CPLANE1: variants seen among roughly 807,000 people sequenced by gnomAD.
The protein encoded by CPLANE1 is ciliogenesis and planar polarity effector complex subunit 1, also known as ciliogenesis and planar polarity effector 1.
A neutral mutation model predicts 362.5 loss-of-function variants in CPLANE1; 263 were observed. That is an observed-to-expected ratio of 0.73 (90% CI 0.66 to 0.80). CPLANE1 has a LOEUF of 0.80. CPLANE1 is among the 30% of genes least tolerant of loss of function. The pLI, the probability that CPLANE1 is intolerant of heterozygous loss-of-function variation, is 0.00. For synonymous variants in CPLANE1, 1,212 were observed against 1,302.6 expected, an observed-to-expected ratio of 0.93 and a Z score of 1.50; for missense variants, 3,461 against 3,793.4, an observed-to-expected ratio of 0.91 and a Z score of 2.30.
rs1787281815 is a variant in CPLANE1 at position 37,195,918 on chromosome 5, A to T, written c.3751T>A (p.Phe1251Ile). ...TCTCCAGCTGCTCCAGGTCTAAAAAATGCGATACCTCCTTTACAGTAATTA... is the reference window on the plus strand; with the variant it reads ...TCTCCAGCTGCTCCAGGTCTAAAAATTGCGATACCTCCTTTACAGTAATTA... ...LLNYCKGGIA[F>I]FRPGAAGDHK... The change falls in exon 21 of 53, where the codon TTT (phenylalanine) becomes ATT (isoleucine). Residue 1251 changes from phenylalanine to isoleucine, a missense_variant. Phe to Ile is a conservative substitution (Grantham distance 21). Coordinates refer to ENST00000651892, the MANE Select transcript of CPLANE1 (RefSeq NM_001384732.1). 8 of 1,613,630 alleles carry T rather than the reference A, an allele frequency of 5.0e-6. No homozygotes were observed. The highest frequency in any genetic ancestry group is 5.9e-6 in the Non-Finnish European group (7 of 1,179,826).
the CPLANE1 span, among the ~76,000 whole-genome samples, chr5:37,090,252 T>C: frequency 1.3e-5 from 2 of 152,204 alleles, no homozygotes; most frequent in Non-Finnish European, 2.9e-5. Flanking sequence ...TTGTTTTATC[T>C]TTCTCACCAA....
In CPLANE1 at chr5:37,247,800, T is replaced by C. The variant is rs1028114650; in HGVS notation, c.-47-55A>G. 5.2e-4 allele frequency: 325 copies of C among 627,464 alleles called. No individual in the cohort carries two copies. The African/African-American group carries it at 9.0e-3, about 17-fold the overall frequency. The allele number at this position is 627,464 out of a possible 1,614,324, so 38.9% of individuals were successfully genotyped here. On this transcript the variant is annotated intron_variant, in intron 1 of 52. Coordinates refer to ENST00000651892, the MANE Select transcript of CPLANE1 (RefSeq NM_001384732.1). ...ATGATGCATAATATTCACTGGGCAT[T>C]TTTTTTTTTTTTTTGAGACAAGAGT...
At chr5:37,185,749 A>G (rs1351758861) in intron 24 of CPLANE1, among the ~76,000 whole-genome samples, 1 of 152,172 alleles carries the variant, frequency 6.6e-6, no homozygotes, top group Admixed American at 6.5e-5. Flanking sequence ...AACATTGTAA[A>G]TGTACTTAAT....
In CPLANE1 at chr5:37,170,113, C is replaced by T; in HGVS notation, c.6390G>A (p.Glu2130=). The part of the protein sequence containing the change: ...KPQSMGENAR[E]PRKNSPHCHE... The stretch of plus-strand genomic sequence containing the variant: ...GGCAGTGTGGGCTGTTCTTGCGAGG[C>T]TCTCTGGCGTTCTCTCCCATTGACT... The change falls in exon 33 of 53, where the codon GAG becomes GAA. Residue 2130 remains glutamate (E), a synonymous_variant. Coordinates refer to ENST00000651892, the MANE Select transcript of CPLANE1 (RefSeq NM_001384732.1). 1.2e-6 allele frequency: 2 copies of T among 1,614,150 alleles called. No individual in the cohort carries two copies. The highest frequency in any genetic ancestry group is 1.6e-4 in the Middle Eastern group (1 of 6,062).
rs1484482731 is a variant in CPLANE1, at chr5:37,243,137, A to C, written c.571-18T>G. 7 of 1,342,392 alleles carry C rather than the reference A, an allele frequency of 5.2e-6. No individual in the cohort carries two copies. The highest frequency in any genetic ancestry group is 7.2e-6 in the Non-Finnish European group (7 of 979,012). 83.2% of individuals were successfully genotyped at this position (1,342,392 alleles called of 1,614,324 possible). A position where few individuals can be genotyped will look rare whatever the true frequency, so the allele number is the denominator to read the frequency against. On this transcript the variant is annotated intron_variant, in intron 5 of 52. Coordinates refer to ENST00000651892, the MANE Select transcript of CPLANE1 (RefSeq NM_001384732.1). Reference sequence around the variant, plus strand: ...CCAAATAACTGTAGATAAATTTAATATACTTTAGTATAAAATTAATCTGAA... The same window carrying C: ...CCAAATAACTGTAGATAAATTTAATCTACTTTAGTATAAAATTAATCTGAA...
intron 26 of CPLANE1, 61 bp downstream of exon 26, chr5:37,182,699 C>T (rs1211151914): frequency 6.0e-6 from 6 of 996,974 alleles, no homozygotes; most frequent in Non-Finnish European, 8.8e-6. Context: ...GAAATGTAAA[C>T]ATAGTTTTAA....
chr5:37,169,179 G>A lies in CPLANE1; in HGVS notation c.6845C>T (p.Ser2282Phe), dbSNP rs778561588. ...GTTATACTGGCTTACATTCAAATGGGATGCTGGAGTAGTTTGTGCTGCTCT... is the reference window on the plus strand; with the variant it reads ...GTTATACTGGCTTACATTCAAATGGAATGCTGGAGTAGTTTGTGCTGCTCT... Reference protein sequence around the residue: ...PQRAAQTTPASHLNVSQYNTE... With the variant: ...PQRAAQTTPAFHLNVSQYNTE... The change falls in exon 34 of 53, where the codon TCC (serine) becomes TTC (phenylalanine). Residue 2282 changes from serine (S) to phenylalanine (F), a missense_variant. Physicochemically the swap from Ser to Phe is radical, Grantham distance 155 (BLOSUM62 -2). Coordinates refer to ENST00000651892, the MANE Select transcript of CPLANE1 (RefSeq NM_001384732.1). 1.9e-6 allele frequency: 3 copies of A among 1,614,134 alleles called. No homozygotes were observed. Among genetic ancestry groups the A allele is most frequent in the South Asian group, 1.1e-5 (1 of 91,072 alleles).
intron 37 of CPLANE1, 78 bp downstream of exon 37, chr5:37,164,195 T>C (rs2150840956): frequency 8.8e-7 from 1 of 1,138,198 alleles, no homozygotes; most frequent in Non-Finnish European, 1.3e-6. Flanking sequence ...GGTAGCCTCA[T>C]TTTCATATTG....
chr5:37,147,365 A>G (rs966545925), intron 43 of CPLANE1, among the ~76,000 whole-genome samples: 2 of 152,220 alleles, frequency 1.3e-5, no homozygotes, highest in African/African-American at 4.8e-5. Flanking sequence ...CCAATATTAG[A>G]ATGCTTAATA....
chr5:37,198,359 GA>G (rs1788166944), intron 20 of CPLANE1, among the ~76,000 whole-genome samples: 1 of 152,026 alleles, frequency 6.6e-6, no homozygotes, highest in Non-Finnish European at 1.5e-5. Context: ...AGGCCCCACA[GA>G]ACACAGACAA....
chr5:37,235,548 G>A (rs1798770829), intron 8 of CPLANE1, among the ~76,000 whole-genome samples: 1 of 148,288 alleles, frequency 6.7e-6, no homozygotes. Context: ...AAAGCTGGAG[G>A]TATCATATTA....
At position 37,168,909 on chromosome 5, in the gene CPLANE1, A is replaced by T; in HGVS notation, c.7115T>A (p.Phe2372Tyr). The change falls in exon 34 of 53, where the codon TTT becomes TAT. Residue 2372 changes from phenylalanine (F) to tyrosine (Y), a missense_variant. By Grantham distance (22) the Phe-to-Tyr change is conservative. This residue lies in a region of CPLANE1 where 3,380 missense variants were observed against 3,666.1 expected (regional missense o/e 0.92). Transcript: ENST00000651892. Reference protein sequence around the residue: ...LYLPLKPPNMFPSTSRASITV... With the variant: ...LYLPLKPPNMYPSTSRASITV... ...AATAGATGCTCTTGAGGTTGATGGA[A>T]ACATATTAGGAGGTTTAAGTGGCAG... 1 of 1,614,194 alleles carries T rather than the reference A, an allele frequency of 6.2e-7. No homozygotes were observed. Among genetic ancestry groups the T allele is most frequent in the South Asian group, 1.1e-5 (1 of 91,090 alleles).
At chr5:37,171,530 T>A (rs1298002061) in intron 32 of CPLANE1, among the ~76,000 whole-genome samples, 1 of 152,094 alleles carries the variant, frequency 6.6e-6, no homozygotes, top group Non-Finnish European at 1.5e-5. Flanking sequence ...GACTTCAAAG[T>A]GAAGTTTTTG....
intron 2 of CPLANE1, 138 bp from the exon 3 acceptor site, chr5:37,245,983 T>C (rs1365289442): frequency 2.3e-6 from 2 of 853,160 alleles, no homozygotes; most frequent in African/African-American, 1.7e-5. Context: ...AAATGAACAT[T>C]AAGCTTAATA....
intron 35 of CPLANE1, among the ~76,000 whole-genome samples, chr5:37,166,456 C>T (rs981099536): frequency 1.1e-4 from 16 of 151,958 alleles, no homozygotes; most frequent in African/African-American, 3.1e-4. Context: ...AACCATGGTT[C>T]GAAAATAGAT....
chr5:37,171,408 C>G (rs886341841), intron 32 of CPLANE1, among the ~76,000 whole-genome samples: 1 of 152,148 alleles, frequency 6.6e-6, no homozygotes, highest in East Asian at 1.9e-4. Context: ...GGATAGGGAT[C>G]TGAGAATTTG....
the CPLANE1 span, among the ~76,000 whole-genome samples, chr5:37,078,717 T>TA: frequency 1.8e-5 from 2 of 113,652 alleles, no homozygotes; most frequent in African/African-American, 6.1e-5. Context: ...CATCTGTTAT[T>TA]TTTTTTTTTT....
At position 37,142,467 on chromosome 5, in the gene CPLANE1, G is replaced by A; in HGVS notation, c.8475C>T (p.Thr2825=). 6.3e-7 allele frequency: 1 copy of A among 1,585,066 alleles called. No homozygotes were observed. The highest frequency in any genetic ancestry group is 8.6e-7 in the Non-Finnish European group (1 of 1,168,212). ...CACTTTGATCTTCTTCATCCATATG[G>A]GTCAAAAAACGCACTAATCCAGAGT... ...ISISEEVRFL[T]HMDEEDQSDK... The change falls in exon 44 of 53, where the codon ACC becomes ACT. Residue 2825 remains threonine (T), a synonymous_variant. Transcript: ENST00000651892.
Position 37,184,997 on chromosome 5 carries a change from T to C in CPLANE1, c.4272A>G (p.Arg1424=), listed in dbSNP as rs1316239959. The C allele has an allele frequency of 1.2e-6, 2 of 1,613,992 alleles. No individual in the cohort carries two copies. Among genetic ancestry groups the C allele is most frequent in the African/African-American group, 2.7e-5 (2 of 74,936 alleles). Residue 1424 remains arginine (R), a synonymous_variant, in exon 25 of 53, where the codon AGA becomes AGG. Coordinates refer to ENST00000651892, the MANE Select transcript of CPLANE1 (RefSeq NM_001384732.1). ...VRVKALKRVQ[R]NIGSFEVNIW... ...TATTCACTTCAAAAGAGCCTATATT[T>C]CTCTGCACACGTTTTAGAGCTTTCA...
Sources: allele counts gnomAD v4.1 joint callset (sites outside exome capture counted in the v4.1 genomes callset), GRCh38; gene constraint gnomAD v4.1.1; regional missense constraint gnomAD v4.1.1; transcripts MANE v1.5; gene names NCBI Gene and HGNC (gene_info 2026-07-23, HGNC 2026-07-21).